The following CHIC2 variants were observed in gnomAD, a reference collection of about 807,000 sequenced individuals.
CHIC2 encodes cysteine-rich hydrophobic domain-containing protein 2.
In CHIC2, 14 loss-of-function variants were observed where a neutral mutation model predicts 25.9. The ratio of observed to expected loss-of-function variants is 0.54; its 90% CI spans 0.36 to 0.85. The LOEUF is 0.85. Ranked by LOEUF, CHIC2 falls within the 40% of genes least tolerant of loss-of-function variation. The probability of loss-of-function intolerance (pLI) is 0.01; values close to 1 mark genes in which losing one functional copy is unlikely to be tolerated. For synonymous variants in CHIC2, 70 were observed against 72.0 expected (o/e 0.97, Z 0.14); for missense variants, 146 against 202.0 (o/e 0.72, Z 1.68).
At chr4:54,030,487 C>T (rs1716190952) in intron 3 of CHIC2, among the ~76,000 whole-genome samples, 1 of 147,558 alleles carries the variant, frequency 6.8e-6, no homozygotes, top group Non-Finnish European at 1.5e-5. Context: ...CATGCCACTG[C>T]ACTCCACTCT....
the CHIC2 span, among the ~76,000 whole-genome samples, chr4:54,072,403 C>T: frequency 1.3e-5 from 2 of 152,106 alleles, no homozygotes; most frequent in Non-Finnish European, 1.5e-5. Context: ...TCACGACAAT[C>T]TGGAGATTAC....
chr4:54,084,591 T>C, the CHIC2 span, among the ~76,000 whole-genome samples: 4 of 152,118 alleles, frequency 2.6e-5, no homozygotes, highest in South Asian at 8.3e-4. Flanking sequence ...ATAATTATTG[T>C]CACTGATGCT....
intron 3 of CHIC2, among the ~76,000 whole-genome samples, chr4:54,030,928 C>CA (rs1716210061): frequency 6.7e-6 from 1 of 149,638 alleles, no homozygotes; most frequent in South Asian, 2.1e-4. Flanking sequence ...GGCTGGAGTG[C>CA]AGTGGCGCAA....
At chr4:54,086,999 C>G in the CHIC2 span, 35 of 968,936 alleles carry the variant, frequency 3.6e-5, no homozygotes, top group Non-Finnish European at 5.1e-5. Flanking sequence ...AAAAAACCAA[C>G]TAGAAGCAAC....
chr4:54,043,023 A>AT lies in CHIC2; in HGVS notation c.330+5931dup, dbSNP rs566681438. Among the ~76,000 whole-genome samples the AT allele has an allele frequency of 8.2e-4, 125 of 152,284 alleles. 1 individual carries two copies. The highest frequency in any genetic ancestry group is 1.6e-3 in the Non-Finnish European group (112 of 68,016). On this transcript the variant is annotated intron_variant, in intron 3 of 5. Coordinates refer to ENST00000263921, the MANE Select transcript of CHIC2 (RefSeq NM_012110.4). ...TTCATTTTCAACTTAACAAAATTTC[A>AT]TTTTTGGCTGGGTGCAGTGGCTCAC...
chr4:54,021,173 G>A (rs574146640), intron 3 of CHIC2, among the ~76,000 whole-genome samples: 12 of 152,000 alleles, frequency 7.9e-5, no homozygotes, highest in Admixed American at 1.3e-4. Context: ...CTGCAATACC[G>A]CTTGACCCCA....
the CHIC2 span, among the ~76,000 whole-genome samples, chr4:54,069,716 G>A: frequency 6.6e-6 from 1 of 152,344 alleles, no homozygotes; most frequent in East Asian, 1.9e-4. Context: ...TTTAGGTGTT[G>A]TATGCCAGGA....
chr4:54,053,556 CAAAAAA>C, intron 1 of CHIC2, among the ~76,000 whole-genome samples: 1 of 73,978 alleles, frequency 1.4e-5, no homozygotes, highest in African/African-American at 5.1e-5. Flanking sequence ...GACTCAGTCT[CAAAAAA>C]AAAAAAAAAA....
intron 1 of CHIC2, among the ~76,000 whole-genome samples, chr4:54,053,549 T>C (rs1250645627): frequency 9.0e-6 from 1 of 110,732 alleles, no homozygotes; most frequent in Non-Finnish European, 1.7e-5. Context: ...ACAGTGAGAC[T>C]CAGTCTCAAA....
chr4:54,032,058 T>C (rs1419744688), intron 3 of CHIC2, among the ~76,000 whole-genome samples: 1 of 152,106 alleles, frequency 6.6e-6, no homozygotes, highest in Non-Finnish European at 1.5e-5. Flanking sequence ...CACTTCCCTA[T>C]TCCTAAATGA....
chr4:54,010,234 A>T (rs1380016040), intron 5 of CHIC2, 89 bp from the exon 6 acceptor site: 1 of 894,336 alleles, frequency 1.1e-6, no homozygotes, highest in African/African-American at 1.7e-5. Context: ...TTTTTTTGAA[A>T]ATCCATTCAC....
chr4:54,064,801 G>C (rs1372337248), upstream of CHIC2: 1 of 321,568 alleles, frequency 3.1e-6, no homozygotes, highest in Non-Finnish European at 4.5e-6. The surrounding 1 kb of genome is among the most constrained non-coding windows in gnomAD (Gnocchi z 4.2). Flanking sequence ...CGCAGACGGC[G>C]ACCGGGGCGC....
At chr4:54,087,328 C>A in the CHIC2 span, 2 of 568,354 alleles carry the variant, frequency 3.5e-6, no homozygotes, top group Admixed American at 2.9e-5. Flanking sequence ...TTGCTGGGGA[C>A]TGGAACTTAG....
At chr4:54,088,918 G>A in the CHIC2 span, among the ~76,000 whole-genome samples, 1 of 152,170 alleles carries the variant, frequency 6.6e-6, no homozygotes, top group Non-Finnish European at 1.5e-5. Flanking sequence ...AGATTCAAAG[G>A]ATTTGGGCAA....
At chr4:54,037,331 T>C (rs1013738164) in intron 3 of CHIC2, among the ~76,000 whole-genome samples, 4 of 151,878 alleles carry the variant, frequency 2.6e-5, no homozygotes, top group Non-Finnish European at 5.9e-5. Flanking sequence ...CCAGCCTCAG[T>C]GACAGAATGA....
At chr4:54,054,857 T>C (rs867550222) in intron 1 of CHIC2, among the ~76,000 whole-genome samples, 2 of 152,270 alleles carry the variant, frequency 1.3e-5, no homozygotes, top group East Asian at 1.9e-4. Flanking sequence ...GAAGTCAAGA[T>C]GTAGTAAAGC....
At chr4:54,031,321 A>T (rs1716222119) in intron 3 of CHIC2, among the ~76,000 whole-genome samples, 1 of 152,078 alleles carries the variant, frequency 6.6e-6, no homozygotes, top group Non-Finnish European at 1.5e-5. Context: ...TCTAAAAGGC[A>T]AGATGCTTCT....
chr4:54,085,678 T>C, the CHIC2 span, among the ~76,000 whole-genome samples: 1 of 152,320 alleles, frequency 6.6e-6, no homozygotes, highest in Admixed American at 6.5e-5. Context: ...TCCCAAAAAC[T>C]GTTCATGTAG....
chr4:54,045,048 G>A (rs1369058969), intron 3 of CHIC2, among the ~76,000 whole-genome samples: 1 of 152,190 alleles, frequency 6.6e-6, no homozygotes, highest in African/African-American at 2.4e-5. Context: ...ACAAAATCCA[G>A]AAGAAATGGA....
Sources: gnomAD v4.1 joint callset for allele counts (sites outside exome capture counted in the v4.1 genomes callset) on GRCh38, gnomAD v4.1.1 for gene constraint, Gnocchi (gnomAD v3.1) non-coding constraint, MANE v1.5 for transcripts, NCBI Gene and HGNC (gene_info 2026-07-23, HGNC 2026-07-21) for gene names.